FOXJ3: variants seen among roughly 807,000 people sequenced by gnomAD.
FOXJ3 encodes forkhead box J3, also known as forkhead box protein J3.
FOXJ3 carries 22 observed loss-of-function variants against 76.1 expected under a neutral mutation model. That is an observed-to-expected ratio of 0.29 (90% CI 0.21 to 0.41). The LOEUF (loss-of-function observed/expected upper bound fraction) is 0.41. Ranked by LOEUF, FOXJ3 falls within the 10% of genes least tolerant of loss-of-function variation. The probability of loss-of-function intolerance (pLI) is 1.00; values close to 1 mark genes in which losing one functional copy is unlikely to be tolerated. For missense variants in FOXJ3, 613 were observed against 762.1 expected (o/e 0.80, Z 2.30); for synonymous variants, 269 against 261.2 (o/e 1.03, Z -0.29).
chr1:42,225,948 AG>A (rs1380690543), intron 5 of FOXJ3, among the ~76,000 whole-genome samples: 3 of 152,222 alleles, frequency 2.0e-5, no homozygotes, highest in African/African-American at 7.2e-5. Context: ...AGACACGGAC[AG>A]TTGTTCGCCC....
chr1:42,179,663 T>C lies in FOXJ3; in HGVS notation c.*47A>G, dbSNP rs747806507. On this transcript the variant is annotated 3_prime_UTR_variant, in exon 13 of 13. Coordinates refer to ENST00000361346, the MANE Select transcript of FOXJ3 (RefSeq NM_014947.5). ...GATTCTCTTAAACCTTTCCCTTCAC[T>C]GCACAGAAAGGTAACGTTAGGGTCT... The C allele has an allele frequency of 3.4e-6, 4 of 1,185,720 alleles. No individual in the cohort carries two copies. In the East Asian group the frequency reaches 9.4e-5, roughly 28 times the overall value. The allele number at this position is 1,185,720 out of a possible 1,614,324, so 73.4% of individuals were successfully genotyped here.
intron 1 of FOXJ3, among the ~76,000 whole-genome samples, chr1:42,329,508 G>A (rs978869776): frequency 6.6e-6 from 1 of 152,188 alleles, no homozygotes; most frequent in Admixed American, 6.5e-5. Flanking sequence ...CTCTAGGACT[G>A]AAAGGCTAAC....
chr1:42,210,068 C>A (rs576485009), intron 5 of FOXJ3, among the ~76,000 whole-genome samples: 2 of 152,358 alleles, frequency 1.3e-5, no homozygotes, highest in Non-Finnish European at 2.9e-5. Context: ...TAGCAAAACA[C>A]TGGGTGTGAG....
intron 7 of FOXJ3, among the ~76,000 whole-genome samples, chr1:42,198,900 A>G (rs1049349095): frequency 1.3e-5 from 2 of 152,174 alleles, no homozygotes; most frequent in Non-Finnish European, 2.9e-5. Context: ...CTGCACAACC[A>G]TTTTTTAAAA....
chr1:42,251,863 C>T (rs1332911731), intron 4 of FOXJ3, among the ~76,000 whole-genome samples: 7 of 151,732 alleles, frequency 4.6e-5, no homozygotes, highest in Non-Finnish European at 7.4e-5. Context: ...GGACTACAGG[C>T]GCGCGCCACC....
At chr1:42,292,771 T>C (rs1358445117) in intron 2 of FOXJ3, among the ~76,000 whole-genome samples, 1 of 152,170 alleles carries the variant, frequency 6.6e-6, no homozygotes, top group African/African-American at 2.4e-5. Flanking sequence ...AATTGTACTA[T>C]GTCAATTACA....
intron 4 of FOXJ3, among the ~76,000 whole-genome samples, chr1:42,243,683 T>C (rs1201295650): frequency 1.3e-5 from 2 of 152,162 alleles, no homozygotes; most frequent in African/African-American, 4.8e-5. Flanking sequence ...ACAGTCATCA[T>C]ATAATAATAA....
chr1:42,292,699 G>A (rs1653519700), intron 2 of FOXJ3, among the ~76,000 whole-genome samples: 1 of 152,132 alleles, frequency 6.6e-6, no homozygotes, highest in South Asian at 2.1e-4. Flanking sequence ...GGGAATGACG[G>A]GTATGTTCAC....
intron 2 of FOXJ3, among the ~76,000 whole-genome samples, chr1:42,293,898 CAA>C (rs1653605017): frequency 6.6e-6 from 1 of 152,198 alleles, no homozygotes; most frequent in South Asian, 2.1e-4. Context: ...ATCTAACCTT[CAA>C]AAGAGACCCA....
intron 3 of FOXJ3, among the ~76,000 whole-genome samples, chr1:42,277,135 T>C (rs1247888989): frequency 8.4e-6 from 1 of 119,102 alleles, no homozygotes; most frequent in Non-Finnish European, 1.7e-5. Context: ...TAAAATTCTT[T>C]CAAGATAAAT....
chr1:42,273,527 T>C (rs1365916425), intron 3 of FOXJ3, among the ~76,000 whole-genome samples: 3 of 151,226 alleles, frequency 2.0e-5, no homozygotes, highest in Non-Finnish European at 4.4e-5. Flanking sequence ...TACAAAAAAA[T>C]AGCTAGGCAT....
chr1:42,332,737 A>T (rs1364458240), intron 1 of FOXJ3, among the ~76,000 whole-genome samples: 1 of 152,166 alleles, frequency 6.6e-6, no homozygotes, highest in African/African-American at 2.4e-5. Flanking sequence ...ACCAACACAG[A>T]TGATCTGACA....
At chr1:42,298,569 TTAGC>T (rs1209934646) in intron 2 of FOXJ3, among the ~76,000 whole-genome samples, 2 of 152,138 alleles carry the variant, frequency 1.3e-5, no homozygotes, top group Non-Finnish European at 2.9e-5. Flanking sequence ...CTTGGTTAAC[TTAGC>T]TAGCAGGCTG....
chr1:42,285,507 G>C (rs1448786409), intron 2 of FOXJ3, among the ~76,000 whole-genome samples: 1 of 152,110 alleles, frequency 6.6e-6, no homozygotes, highest in African/African-American at 2.4e-5. Flanking sequence ...CTACATGGGA[G>C]GGTGAGAGGT....
chr1:42,188,773 T>C lies in FOXJ3; in HGVS notation c.1609A>G (p.Met537Val). Residue 537 changes from methionine to valine, a missense_variant, in exon 11 of 13, where the codon ATG becomes GTG. This residue lies in a region of FOXJ3 where 526 missense variants were observed against 601.4 expected (regional missense o/e 0.87). Coordinates refer to ENST00000361346, the MANE Select transcript of FOXJ3 (RefSeq NM_014947.5). ...NVQQNVCHGAMHPTKPSQHIG... is the reference protein window; with the variant it reads ...NVQQNVCHGAVHPTKPSQHIG... ...TGTTGGGAAGGTTTTGTTGGATGCA[T>C]GGCACCATGACAAACATTTTGTTGA... is the stretch of plus-strand genomic sequence containing the variant. 6.2e-7 allele frequency: 1 copy of C among 1,610,234 alleles called. No individual in the cohort carries two copies. The highest frequency in any genetic ancestry group is 8.5e-7 in the Non-Finnish European group (1 of 1,177,904).
intron 7 of FOXJ3, among the ~76,000 whole-genome samples, chr1:42,196,011 C>T (rs1031322444): frequency 6.6e-6 from 1 of 152,184 alleles, no homozygotes; most frequent in Admixed American, 6.5e-5. Context: ...TTCTATTTTG[C>T]CAGAGGTTGC....
At chr1:42,183,699 A>T (rs1646377291) in intron 11 of FOXJ3, among the ~76,000 whole-genome samples, 1 of 152,086 alleles carries the variant, frequency 6.6e-6, no homozygotes, top group Non-Finnish European at 1.5e-5. Flanking sequence ...CCCAGAGGAA[A>T]CTAAAAAGAG....
At position 42,179,814 on chromosome 1, in the gene FOXJ3, C is replaced by T. The variant is rs900658196; in HGVS notation, c.1765G>A (p.Ala589Thr). 4.3e-6 allele frequency: 7 copies of T among 1,612,812 alleles called. No individual in the cohort carries two copies. The highest frequency in any genetic ancestry group is 5.9e-6 in the Non-Finnish European group (7 of 1,178,866). Residue 589 changes from alanine to threonine, a missense_variant, in exon 13 of 13, where the codon GCC becomes ACC. Physicochemically the swap from Ala to Thr is moderately conservative, Grantham distance 58. Around this residue, in one of 3 missense-constraint regions of FOXJ3, gnomAD observed 526 missense variants for 601.4 expected, o/e 0.87. Transcript: ENST00000361346. ...GGCATCATGTGCTGCTGGTTCATGG[C>T]TCTGTGATGGCCTGGAAGGAAAGAG... ...PGTTMAGHHR[A>T]MNQQHMMPSQ...
chr1:42,204,375 T>A (rs550366197), intron 6 of FOXJ3, among the ~76,000 whole-genome samples: 1 of 152,240 alleles, frequency 6.6e-6, no homozygotes, highest in South Asian at 2.1e-4. Flanking sequence ...CAGTATTCTG[T>A]CATATCTGGA....
Sources: allele counts gnomAD v4.1 joint callset (sites outside exome capture counted in the v4.1 genomes callset), GRCh38; gene constraint gnomAD v4.1.1; regional missense constraint gnomAD v4.1.1; transcripts MANE v1.5; gene names NCBI Gene and HGNC (gene_info 2026-07-23, HGNC 2026-07-21).